LACTB: variants seen among roughly 807,000 people sequenced by gnomAD.
LACTB encodes lactamase beta.
LACTB carries 35 observed loss-of-function variants against 50.2 expected under a neutral mutation model. The observed-to-expected ratio is 0.70, with a 90% CI of 0.53 to 0.92. The LOEUF (loss-of-function observed/expected upper bound fraction) is 0.92, where lower values mean the gene tolerates loss of function less well. LACTB is among the 40% of genes least tolerant of loss of function. The pLI is 0.00. For missense variants in LACTB, 664 were observed against 691.8 expected, an observed-to-expected ratio of 0.96 and a Z score of 0.45; for synonymous variants, 252 against 268.2, an observed-to-expected ratio of 0.94 and a Z score of 0.59.
chr15:63,122,280 G>C, intron 1 of LACTB, 52 bp downstream of exon 1: 1 of 1,443,514 alleles, frequency 6.9e-7, no homozygotes, highest in Non-Finnish European at 9.2e-7. Flanking sequence ...ACCCCTGTCG[G>C]CGGTGCTGTC....
At chr15:63,129,729 G>T (rs1041730590) in intron 5 of LACTB, 79 bp downstream of exon 5, 12 of 1,347,380 alleles carry the variant, frequency 8.9e-6, no homozygotes, top group Middle Eastern at 2.0e-4. Context: ...AATTTTCTTT[G>T]TTTCCATTCC....
At chr15:63,126,823 C>T (rs1014069794) in intron 2 of LACTB, 36 bp from the exon 3 acceptor site, 3 of 1,353,906 alleles carry the variant, frequency 2.2e-6, no homozygotes, top group Non-Finnish European at 3.0e-6. Context: ...ACCATGAAGC[C>T]TGTTAATAGT....
chr15:63,141,024 G>A (rs1188248351), intron 5 of LACTB: 6 of 984,884 alleles, frequency 6.1e-6, no homozygotes, highest in Non-Finnish European at 7.2e-6. Flanking sequence ...GATACACTCA[G>A]CATGGACAAG....
In LACTB at chr15:63,121,885, T is replaced by A; in HGVS notation, c.14T>A (p.Met5Lys). Residue 5 changes from methionine to lysine, a missense_variant, in exon 1 of 6, where the codon ATG becomes AAG. Transcript: ENST00000261893. ...TGCAGAGACGCCATGTACCGGCTCA[T>A]GTCAGCAGTGACTGCCCGGGCTGCC... MYRL[M>K]SAVTARAAAP... 7.1e-7 allele frequency: 1 copy of A among 1,411,714 alleles called. No homozygotes were observed. The highest frequency in any genetic ancestry group is 2.0e-4 in the Middle Eastern group (1 of 4,896). 87.4% of individuals were successfully genotyped at this position (1,411,714 alleles called of 1,614,324 possible).
intron 5 of LACTB, among the ~76,000 whole-genome samples, chr15:63,135,582 TGGTGGCATGC>T (rs2037168280): frequency 6.6e-6 from 1 of 152,128 alleles, no homozygotes; most frequent in Admixed American, 6.6e-5. Context: ...CAGCCGGGCA[TGGTGGCATGC>T]GCCTGTAGTC....
At chr15:63,136,315 G>C (rs2037176890) in intron 5 of LACTB, among the ~76,000 whole-genome samples, 1 of 152,168 alleles carries the variant, frequency 6.6e-6, no homozygotes, top group Non-Finnish European at 1.5e-5. Flanking sequence ...GGGATTACAG[G>C]CGTGAGCCTA....
chr15:63,124,031 G>A (rs1441068126), intron 2 of LACTB, among the ~76,000 whole-genome samples: 2 of 151,902 alleles, frequency 1.3e-5, no homozygotes, highest in African/African-American at 2.4e-5. Context: ...ACTAAGTAGC[G>A]GGTGTTTTTT....
intron 5 of LACTB, among the ~76,000 whole-genome samples, chr15:63,132,091 A>C (rs995779579): frequency 6.6e-6 from 1 of 152,074 alleles, no homozygotes; most frequent in Admixed American, 6.5e-5. Flanking sequence ...GTACATGTGC[A>C]GGTTTGTTAC....
At chr15:63,123,123 TAATAA>T (rs1299506815) in intron 2 of LACTB, among the ~76,000 whole-genome samples, 1 of 152,202 alleles carries the variant, frequency 6.6e-6, no homozygotes, top group Non-Finnish European at 1.5e-5. Flanking sequence ...TTAGCAACAA[TAATAA>T]AATAGAACAA....
chr15:63,130,501 C>G (rs2037117695), intron 5 of LACTB: 2 of 133,006 alleles, frequency 1.5e-5, no homozygotes, highest in South Asian at 4.9e-4. Context: ...GAGTGAGACT[C>G]CATGTCAAAA....
At chr15:63,134,395 G>A (rs2141075827) in intron 5 of LACTB, among the ~76,000 whole-genome samples, 1 of 152,266 alleles carries the variant, frequency 6.6e-6, no homozygotes, top group Middle Eastern at 3.4e-3. Context: ...GAGGTGAGCT[G>A]TTCTGATTGG....
chr15:63,142,003 ATTG>A lies in LACTB; in HGVS notation c.*201_*203del, dbSNP rs1417940930. 3 of 503,622 alleles carry A rather than the reference ATTG, an allele frequency of 6.0e-6. No individual in the cohort carries two copies. The Admixed American group carries it at 1.0e-4, about 17-fold the overall frequency. The allele number at this position is 503,622 out of a possible 1,614,324, so 31.2% of individuals were successfully genotyped here. A position where few individuals can be genotyped will look rare whatever the true frequency, so the allele number is the denominator to read the frequency against. ...TCTTTATACTCAGGGAAGTAATTATATTGTTTTTACTTTTTGAAAAAAGTGTTA... is the reference window on the plus strand; with the variant it reads ...TCTTTATACTCAGGGAAGTAATTATATTTTTACTTTTTGAAAAAAGTGTTA... On this transcript the variant is annotated 3_prime_UTR_variant, in exon 6 of 6. Transcript: ENST00000261893.
intron 2 of LACTB, 98 bp downstream of exon 2, chr15:63,122,800 C>A: frequency 2.5e-6 from 2 of 815,382 alleles, no homozygotes; most frequent in Admixed American, 2.1e-5. Flanking sequence ...ATTGCATTTA[C>A]ATAAAACGAT....
intron 5 of LACTB, among the ~76,000 whole-genome samples, chr15:63,136,155 T>C (rs2037174564): frequency 6.6e-6 from 1 of 151,942 alleles, no homozygotes; most frequent in Non-Finnish European, 1.5e-5. Flanking sequence ...GATCCTCCTG[T>C]ATCAGCCTTC....
At chr15:63,128,991 C>A (rs776448242) in intron 4 of LACTB, among the ~76,000 whole-genome samples, 4 of 152,200 alleles carry the variant, frequency 2.6e-5, no homozygotes, top group East Asian at 1.9e-4. Context: ...GATCCTCCCC[C>A]CTTGGCCTCC....
At chr15:63,129,906 A>G (rs1023829168) in intron 5 of LACTB, 7 of 285,428 alleles carry the variant, frequency 2.5e-5, no homozygotes, top group Non-Finnish European at 4.4e-5. Flanking sequence ...TGCACCCACC[A>G]TGAGCATCTG....
chr15:63,137,085 A>G (rs2037184897), intron 5 of LACTB, among the ~76,000 whole-genome samples: 1 of 152,214 alleles, frequency 6.6e-6, no homozygotes. Flanking sequence ...AAGGGAGGCA[A>G]GAGAATTGTT....
At chr15:63,125,522 A>C (rs1016374456) in intron 2 of LACTB, among the ~76,000 whole-genome samples, 8 of 152,208 alleles carry the variant, frequency 5.3e-5, no homozygotes, top group Non-Finnish European at 1.2e-4. Flanking sequence ...GTATAATCTA[A>C]TCATTATACC....
intron 5 of LACTB, among the ~76,000 whole-genome samples, chr15:63,136,228 A>C (rs12908992): frequency 2.0e-5 from 3 of 152,002 alleles, no homozygotes; most frequent in African/African-American, 7.2e-5. Context: ...TTTTTTGTAG[A>C]GATGAGATCT....
Sources: gnomAD v4.1 joint callset for allele counts (sites outside exome capture counted in the v4.1 genomes callset) on GRCh38, gnomAD v4.1.1 for gene constraint, MANE v1.5 for transcripts, NCBI Gene and HGNC (gene_info 2026-07-23, HGNC 2026-07-21) for gene names.